The following PRKG1 variants were observed in gnomAD, a reference collection of about 807,000 sequenced individuals.
The protein encoded by PRKG1 is protein kinase cGMP-dependent 1, also known as cGMP-dependent protein kinase 1.
Under a neutral mutation model 88.1 loss-of-function variants are expected in PRKG1, and 35 were observed. The ratio of observed to expected loss-of-function variants is 0.40; its 90% confidence interval spans 0.30 to 0.53. The LOEUF is 0.53. PRKG1 is among the 20% of genes least tolerant of loss of function. The probability of loss-of-function intolerance (pLI) is 0.59; values close to 1 mark genes in which losing one functional copy is unlikely to be tolerated. For synonymous variants in PRKG1, 303 were observed against 292.5 expected (o/e 1.04, Z -0.37); for missense variants, 540 against 839.8 (o/e 0.64, Z 4.41).
chr10:51,055,737 C>CA (rs144264152), intron 1 of PRKG1, among the ~76,000 whole-genome samples: 16,483 of 149,274 alleles, frequency 0.11, 2,586 homozygotes, highest in African/African-American at 0.35. Flanking sequence ...GACTCCGTCT[C>CA]AAAAAAAAAA....
chr10:52,037,746 A>T (rs1845654490), intron 5 of PRKG1, among the ~76,000 whole-genome samples: 1 of 152,180 alleles, frequency 6.6e-6, no homozygotes. Flanking sequence ...AGGGGAGGTG[A>T]TGAAAAGATT....
chr10:52,121,403 A>G (rs1847817841), intron 7 of PRKG1, among the ~76,000 whole-genome samples: 1 of 152,032 alleles, frequency 6.6e-6, no homozygotes, highest in South Asian at 2.1e-4. Flanking sequence ...ATGCTTTATT[A>G]TTGTTTACAT....
intron 3 of PRKG1, among the ~76,000 whole-genome samples, chr10:51,669,542 T>C (rs1219437038): frequency 6.6e-6 from 1 of 152,176 alleles, no homozygotes; most frequent in African/African-American, 2.4e-5. Context: ...GGAGGAAAAT[T>C]AACAGTTAAT....
chr10:51,495,051 A>T (rs1034303740), intron 3 of PRKG1, among the ~76,000 whole-genome samples: 2 of 152,076 alleles, frequency 1.3e-5, no homozygotes, highest in African/African-American at 4.8e-5. Context: ...AGTTTTGCCA[A>T]ATTAAAATTG....
chr10:51,594,587 G>T (rs913444094), intron 3 of PRKG1, among the ~76,000 whole-genome samples: 4 of 152,302 alleles, frequency 2.6e-5, no homozygotes, highest in South Asian at 2.1e-4. Flanking sequence ...TGTTGATAAG[G>T]TTCCTCAAAT....
At chr10:52,262,559 C>A (rs543941962) in intron 10 of PRKG1, among the ~76,000 whole-genome samples, 14 of 152,152 alleles carry the variant, frequency 9.2e-5, no homozygotes, top group South Asian at 2.1e-4. Context: ...GCATGAGCCA[C>A]CGCACTTGGT....
intron 2 of PRKG1, among the ~76,000 whole-genome samples, chr10:51,313,056 T>G (rs1841231485): frequency 6.7e-6 from 1 of 149,876 alleles, no homozygotes; most frequent in African/African-American, 2.5e-5. Context: ...CAAACACAAT[T>G]CCCATTAAGT....
chr10:51,896,041 G>T (rs2132919374), intron 4 of PRKG1, among the ~76,000 whole-genome samples: 1 of 152,238 alleles, frequency 6.6e-6, no homozygotes, highest in Non-Finnish European at 1.5e-5. Flanking sequence ...ACGCTTCCTA[G>T]ATTCAGGTAG....
At chr10:51,585,225 T>G (rs1838143196) in intron 3 of PRKG1, among the ~76,000 whole-genome samples, 1 of 152,084 alleles carries the variant, frequency 6.6e-6, no homozygotes, top group African/African-American at 2.4e-5. Context: ...AAATTCTTTC[T>G]CAAAAGGGTA....
intron 9 of PRKG1, among the ~76,000 whole-genome samples, chr10:52,251,087 C>T (rs78239292): frequency 0.015 from 2,342 of 152,198 alleles, 34 homozygotes; most frequent in Non-Finnish European, 0.026. Context: ...CTCCAGAGAC[C>T]TCCGTGATCT....
chr10:51,883,616 T>C (rs1194169904), intron 4 of PRKG1, among the ~76,000 whole-genome samples: 1 of 152,228 alleles, frequency 6.6e-6, no homozygotes, highest in Non-Finnish European at 1.5e-5. Context: ...CCAATAGTTG[T>C]TAACCAAACA....
At chr10:51,113,251 A>G (rs1422594175) in intron 1 of PRKG1, among the ~76,000 whole-genome samples, 1 of 152,252 alleles carries the variant, frequency 6.6e-6, no homozygotes, top group East Asian at 1.9e-4. Context: ...ATGCACAGCT[A>G]GTCAGTAGCA....
chr10:51,269,521 A>G (rs1839922797), intron 2 of PRKG1, among the ~76,000 whole-genome samples: 1 of 152,224 alleles, frequency 6.6e-6, no homozygotes, highest in South Asian at 2.1e-4. Flanking sequence ...ACAACATGGA[A>G]TACTACTCAG....
chr10:50,991,661 T>A lies in PRKG1; in HGVS notation c.266+17T>A. The stretch of plus-strand genomic sequence containing the variant: ...GTCCGAAAGGTAGGCGCGGAGGCCG[T>A]GGGCCCGGGCGCTCGTCCCGGCCCG... On this transcript the variant is annotated intron_variant, in intron 1 of 17. Coordinates refer to the PRKG1 transcript ENST00000401604. The surrounding 1 kb of genome is among the most constrained non-coding windows in gnomAD (Gnocchi z 4.5). The A allele has an allele frequency of 1.4e-6, 2 of 1,475,282 alleles. No individual in the cohort carries two copies. The highest frequency in any genetic ancestry group is 2.6e-5 in the South Asian group (2 of 77,452). The allele number at this position is 1,475,282 out of a possible 1,614,324, so 91.4% of individuals were successfully genotyped here. A position where few individuals can be genotyped will look rare whatever the true frequency, so the allele number is the denominator to read the frequency against.
At chr10:51,670,751 AAT>A (rs1564599542) in intron 3 of PRKG1, among the ~76,000 whole-genome samples, 35 of 98,398 alleles carry the variant, frequency 3.6e-4, no homozygotes, top group Non-Finnish European at 4.3e-4. Flanking sequence ...AAAATAAATA[AAT>A]AAATAAATAA....
intron 2 of PRKG1, among the ~76,000 whole-genome samples, chr10:51,296,772 T>A (rs1211532492): frequency 6.6e-6 from 1 of 152,136 alleles, no homozygotes; most frequent in Non-Finnish European, 1.5e-5. Context: ...TGTTGCTTAT[T>A]TGAGAATGTT....
intron 5 of PRKG1, among the ~76,000 whole-genome samples, chr10:51,943,222 A>T (rs1229512852): frequency 2.0e-5 from 3 of 151,940 alleles, no homozygotes; most frequent in Non-Finnish European, 4.4e-5. Context: ...GCAATTGTGA[A>T]TGGGAGTTCA....
intron 3 of PRKG1, among the ~76,000 whole-genome samples, chr10:51,782,650 C>A (rs189880075): frequency 2.0e-5 from 3 of 152,076 alleles, no homozygotes; most frequent in African/African-American, 7.2e-5. Flanking sequence ...ATAACTGAAT[C>A]TGGGGGTGGT....
intron 5 of PRKG1, among the ~76,000 whole-genome samples, chr10:52,050,921 T>C (rs1189325462): frequency 6.6e-6 from 1 of 152,156 alleles, no homozygotes; most frequent in Non-Finnish European, 1.5e-5. Context: ...TTGTTCCCAA[T>C]GGAGTAATTA....
Sources: allele counts gnomAD v4.1 joint callset (sites outside exome capture counted in the v4.1 genomes callset), GRCh38; gene constraint gnomAD v4.1.1; non-coding constraint Gnocchi (gnomAD v3.1); transcripts MANE v1.5; gene names NCBI Gene and HGNC (gene_info 2026-07-23, HGNC 2026-07-21).